GRIP2: variants seen among roughly 807,000 people sequenced by gnomAD.
The protein encoded by GRIP2 is glutamate receptor interacting protein 2.
Under a neutral mutation model 108.3 loss-of-function variants are expected in GRIP2, and 58 were observed. The ratio of observed to expected loss-of-function variants is 0.54; its 90% CI spans 0.43 to 0.67. GRIP2 has a LOEUF of 0.67. Ranked by LOEUF, GRIP2 falls within the 30% of genes least tolerant of loss-of-function variation. The pLI is 0.00. For synonymous variants in GRIP2, 586 were observed against 598.2 expected (o/e 0.98, Z 0.30); for missense variants, 1,278 against 1,430.6 (o/e 0.89, Z 1.72).
chr3:14,584,993 C>G, the GRIP2 span, among the ~76,000 whole-genome samples: 1 of 152,238 alleles, frequency 6.6e-6, no homozygotes, highest in African/African-American at 2.4e-5. Context: ...GCAAGGCACT[C>G]ACACACCCAC....
At chr3:14,573,096 G>T in the GRIP2 span, 1 of 1,407,784 alleles carries the variant, frequency 7.1e-7, no homozygotes, top group Non-Finnish European at 1.0e-6. Context: ...GATGAACCCC[G>T]AAATGTGGGC....
At chr3:14,592,526 C>T in the GRIP2 span, among the ~76,000 whole-genome samples, 1 of 152,228 alleles carries the variant, frequency 6.6e-6, no homozygotes, top group Non-Finnish European at 1.5e-5. Flanking sequence ...GAGGAGAGAA[C>T]TTGCCCAAGG....
chr3:14,505,689 C>G lies in GRIP2; in HGVS notation c.2499G>C (p.Thr833=), dbSNP rs532562302. The G allele has an allele frequency of 5.6e-6, 9 of 1,603,296 alleles. No individual in the cohort carries two copies. Among genetic ancestry groups the G allele is most frequent in the Non-Finnish European group, 6.8e-6 (8 of 1,175,188 alleles). ...GSPPPTEPRR[T]SYTPTPADES... is the part of the protein sequence containing the mutation. The stretch of plus-strand genomic sequence containing the variant: ...CGTCAGCTGGGGTTGGGGTATAGCT[C>G]GTCCTCCGGGGCTCGGTGGGTGGGG... Residue 833 remains threonine (T), a synonymous_variant, in exon 20 of 24, where the codon ACG becomes ACC. Coordinates refer to ENST00000621039, the MANE Select transcript of GRIP2 (RefSeq NM_001080423.4). The surrounding 1 kb of genome is among the most constrained non-coding windows in gnomAD (Gnocchi z 4.2).
intron 11 of GRIP2, among the ~76,000 whole-genome samples, chr3:14,516,049 C>G (rs1282459777): frequency 1.3e-5 from 2 of 152,076 alleles, no homozygotes; most frequent in Non-Finnish European, 2.9e-5. Flanking sequence ...ATAGTACTTT[C>G]TTAGTTACAC....
In GRIP2 at chr3:14,520,455, G is replaced by C. The variant is rs370094793; in HGVS notation, c.795C>G (p.Thr265=). 29 of 1,613,796 alleles carry C rather than the reference G, an allele frequency of 1.8e-5. No individual in the cohort carries two copies. The African/African-American group carries it at 3.5e-4, about 19-fold the overall frequency. The change falls in exon 8 of 24, where the codon ACC becomes ACG. Residue 265 remains threonine, a synonymous_variant. Coordinates refer to ENST00000621039, the MANE Select transcript of GRIP2 (RefSeq NM_001080423.4). ...TGACTGACTTGTTCCGGAGGGAGGT[G>C]GTGGTGAGCGAGATCCCCAGGGCAG... ...PGSALGISLT[T]TSLRNKSVIT... is the part of the protein sequence containing the mutation.
upstream of GRIP2, among the ~76,000 whole-genome samples, chr3:14,545,426 C>T (rs1478943118): frequency 1.3e-5 from 2 of 152,204 alleles, no homozygotes; most frequent in Admixed American, 6.5e-5. Flanking sequence ...AACACAGAGT[C>T]AGGAGGGCCA....
Position 14,525,756 on chromosome 3 carries a change from G to C in GRIP2, c.121+95C>G, listed in dbSNP as rs926000937. The C allele has an allele frequency of 3.7e-6, 5 of 1,348,008 alleles. No individual in the cohort carries two copies. The African/African-American group carries it at 5.8e-5, about 16-fold the overall frequency. The allele number at this position is 1,348,008 out of a possible 1,614,324, so 83.5% of individuals were successfully genotyped here. On this transcript the variant is annotated intron_variant, in intron 2 of 23. Coordinates refer to ENST00000621039, the MANE Select transcript of GRIP2 (RefSeq NM_001080423.4). ...TAAGTGGCTGGTCTAAGGTCACAGAGCAAGTCAGTGGCAGAGCCGTTGCCA... is the reference window on the plus strand; with the variant it reads ...TAAGTGGCTGGTCTAAGGTCACAGACCAAGTCAGTGGCAGAGCCGTTGCCA...
chr3:14,506,787 C>A lies in GRIP2; in HGVS notation c.2398+14G>T. ...AGAGAGCGTGCCACTTGTCCAAGGG[C>A]CCCAAGGTATTACCTGGGCCCCCAA... On this transcript the variant is annotated intron_variant, in intron 19 of 23. Coordinates refer to ENST00000621039, the MANE Select transcript of GRIP2 (RefSeq NM_001080423.4). The A allele has an allele frequency of 1.9e-6, 3 of 1,575,176 alleles. No homozygotes were observed. The highest frequency in any genetic ancestry group is 2.6e-6 in the Non-Finnish European group (3 of 1,159,836).
chr3:14,555,591 G>C (rs9838414), intron 1 of GRIP2, among the ~76,000 whole-genome samples: 1 of 151,930 alleles, frequency 6.6e-6, no homozygotes, highest in Non-Finnish European at 1.5e-5. Context: ...AGGCCAGACA[G>C]AGAGACAGCA....
At chr3:14,526,110 C>A (rs989025213) in intron 1 of GRIP2, 179 bp from the exon 2 acceptor site, 4 of 632,390 alleles carry the variant, frequency 6.3e-6, no homozygotes, top group Non-Finnish European at 1.2e-5. Context: ...CCAAAGAAAG[C>A]CTGGCCCCTG....
At chr3:14,573,455 G>A in the GRIP2 span, 1 of 1,518,890 alleles carries the variant, frequency 6.6e-7, no homozygotes, top group South Asian at 1.1e-5. Flanking sequence ...GCCACAGGCG[G>A]TAGAACTGGT....
intron 17 of GRIP2, among the ~76,000 whole-genome samples, chr3:14,508,221 C>T (rs1008600997): frequency 6.6e-6 from 1 of 152,258 alleles, no homozygotes; most frequent in Non-Finnish European, 1.5e-5. Flanking sequence ...GCAGACCTCA[C>T]AGTAGGGCGT....
intron 21 of GRIP2, among the ~76,000 whole-genome samples, chr3:14,499,818 G>A (rs1400538991): frequency 2.0e-5 from 3 of 152,082 alleles, no homozygotes; most frequent in Non-Finnish European, 4.4e-5. Context: ...TGGTTTCCCT[G>A]GGCCATGTGG....
the GRIP2 span, among the ~76,000 whole-genome samples, chr3:14,601,410 C>T: frequency 1.1e-4 from 17 of 152,256 alleles, no homozygotes; most frequent in East Asian, 3.1e-3. Context: ...GGCACTCCTC[C>T]AAGACACCGC....
the GRIP2 span, among the ~76,000 whole-genome samples, chr3:14,582,773 G>C: frequency 6.6e-6 from 1 of 152,148 alleles, no homozygotes; most frequent in East Asian, 1.9e-4. Flanking sequence ...CCCTGATTCT[G>C]CTTCATTCAT....
chr3:14,500,291 C>G (rs1051852811), intron 21 of GRIP2, among the ~76,000 whole-genome samples: 1 of 152,108 alleles, frequency 6.6e-6, no homozygotes, highest in African/African-American at 2.4e-5. Flanking sequence ...GTCCAACATA[C>G]CTTAACAGAA....
chr3:14,565,067 G>A, the GRIP2 span, among the ~76,000 whole-genome samples: 1 of 152,224 alleles, frequency 6.6e-6, no homozygotes, highest in Non-Finnish European at 1.5e-5. Flanking sequence ...CTGTGCCAGG[G>A]GGTCTGCCCA....
chr3:14,536,429 G>A (rs1694834947), intron 1 of GRIP2, among the ~76,000 whole-genome samples: 2 of 152,166 alleles, frequency 1.3e-5, no homozygotes, highest in African/African-American at 4.8e-5. Flanking sequence ...CCAAACAGGA[G>A]GGCAACAGAC....
intron 9 of GRIP2, among the ~76,000 whole-genome samples, chr3:14,518,348 G>T (rs1575009881): frequency 6.6e-6 from 1 of 152,184 alleles, no homozygotes; most frequent in Non-Finnish European, 1.5e-5. Flanking sequence ...GCTGAGCACC[G>T]GGGCACTAGG....
Sources: allele counts gnomAD v4.1 joint callset (sites outside exome capture counted in the v4.1 genomes callset), GRCh38; gene constraint gnomAD v4.1.1; non-coding constraint Gnocchi (gnomAD v3.1); transcripts MANE v1.5; gene names NCBI Gene and HGNC (gene_info 2026-07-23, HGNC 2026-07-21).